The following RHOU variants were observed in gnomAD, a reference collection of about 807,000 sequenced individuals.
The protein encoded by RHOU is ras homolog family member U, also known as rho-related GTP-binding protein RhoU.
A neutral mutation model predicts 12.6 loss-of-function variants in RHOU; 8 were observed. That is an observed-to-expected ratio of 0.64 (90% CI 0.37 to 1.15). The LOEUF (loss-of-function observed/expected upper bound fraction) is 1.15. Among genes scored for constraint, RHOU ranks in the 50% most tolerant of loss-of-function variants. RHOU has a pLI of 0.01. For synonymous variants in RHOU, 161 were observed against 147.4 expected (o/e 1.09, Z -0.67); for missense variants, 258 against 347.0 (o/e 0.74, Z 2.04).
the RHOU span, among the ~76,000 whole-genome samples, chr1:228,658,022 G>A: frequency 6.6e-6 from 1 of 152,132 alleles, no homozygotes; most frequent in Non-Finnish European, 1.5e-5. Flanking sequence ...GGCTCATGCT[G>A]TAATCCCAGC....
chr1:228,713,485 G>T, the RHOU span, among the ~76,000 whole-genome samples: 25 of 152,022 alleles, frequency 1.6e-4, no homozygotes, highest in Middle Eastern at 3.4e-3. Context: ...CAACACACTC[G>T]GCTAATTTTT....
chr1:228,693,853 A>G, the RHOU span, among the ~76,000 whole-genome samples: 4 of 152,248 alleles, frequency 2.6e-5, no homozygotes, highest in African/African-American at 9.6e-5. Flanking sequence ...TAACCAAGGT[A>G]GTATTCTTTT....
the RHOU span, among the ~76,000 whole-genome samples, chr1:228,662,807 TA>T: frequency 6.6e-6 from 1 of 152,042 alleles, no homozygotes; most frequent in Non-Finnish European, 1.5e-5. Flanking sequence ...TTCTGCACAT[TA>T]AAAAAACTAT....
the RHOU span, among the ~76,000 whole-genome samples, chr1:228,668,090 A>G: frequency 6.6e-6 from 1 of 152,192 alleles, no homozygotes; most frequent in Non-Finnish European, 1.5e-5. Flanking sequence ...AATCATACCT[A>G]TGTAATGGAA....
the RHOU span, among the ~76,000 whole-genome samples, chr1:228,670,548 A>C: frequency 6.6e-6 from 1 of 152,248 alleles, no homozygotes; most frequent in East Asian, 1.9e-4. Flanking sequence ...CCTAAAAAGC[A>C]TAAGAAGAGT....
Position 228,745,279 on chromosome 1 carries a change from G to A in RHOU, c.*1539G>A, listed in dbSNP as rs967893155. On this transcript the variant is annotated 3_prime_UTR_variant, in exon 3 of 3. Transcript: ENST00000366691. ...CTTCCGAGACACCACAAGGCAGCCT[G>A]AACACTCAGTTGCAGGGTCGGGCTT... is the stretch of plus-strand genomic sequence containing the variant. 6.6e-6 allele frequency: 1 copy of A among 152,234 alleles called. No individual in the cohort carries two copies. The highest frequency in any genetic ancestry group is 2.4e-5 in the African/African-American group (1 of 41,470). 9.4% of individuals were successfully genotyped at this position (152,234 alleles called of 1,614,324 possible). A position where few individuals can be genotyped will look rare whatever the true frequency, so the allele number is the denominator to read the frequency against.
At chr1:228,658,012 G>C in the RHOU span, among the ~76,000 whole-genome samples, 1 of 152,154 alleles carries the variant, frequency 6.6e-6, no homozygotes, top group African/African-American at 2.4e-5. Context: ...CTGGGGTGGT[G>C]GCTCATGCTG....
At chr1:228,740,407 T>A (rs545062721) in intron 2 of RHOU, among the ~76,000 whole-genome samples, 1 of 152,296 alleles carries the variant, frequency 6.6e-6, no homozygotes, top group African/African-American at 2.4e-5. Flanking sequence ...AGAACCAACT[T>A]CAAAACTTTT....
chr1:228,650,904 G>C, the RHOU span: 37 of 374,278 alleles, frequency 9.9e-5, no homozygotes, highest in African/African-American at 7.7e-4. Context: ...ACATACGAAT[G>C]GATCCTTGTG....
At chr1:228,681,878 T>G in the RHOU span, among the ~76,000 whole-genome samples, 1 of 152,034 alleles carries the variant, frequency 6.6e-6, no homozygotes, top group Non-Finnish European at 1.5e-5. Flanking sequence ...GGAGCAGTCC[T>G]GGGCTGCAAT....
chr1:228,676,975 G>A, the RHOU span, among the ~76,000 whole-genome samples: 1 of 152,136 alleles, frequency 6.6e-6, no homozygotes, highest in Non-Finnish European at 1.5e-5. Context: ...GCTTAGCCTG[G>A]GCTCAGAGGC....
chr1:228,707,185 A>G, the RHOU span, among the ~76,000 whole-genome samples: 1 of 90,106 alleles, frequency 1.1e-5, no homozygotes, highest in Non-Finnish European at 1.9e-5. Context: ...TTAACAAAAT[A>G]TATATATATA....
the RHOU span, among the ~76,000 whole-genome samples, chr1:228,669,792 CA>C: frequency 6.6e-6 from 1 of 152,152 alleles, no homozygotes; most frequent in African/African-American, 2.4e-5. Context: ...TTAGCTACTT[CA>C]TTGTGAAGTG....
chr1:228,699,060 ATC>A, the RHOU span, among the ~76,000 whole-genome samples: 1 of 151,574 alleles, frequency 6.6e-6, no homozygotes, highest in Non-Finnish European at 1.5e-5. Flanking sequence ...GAGTTTGGTT[ATC>A]CTCAGTCGGT....
At chr1:228,701,411 A>C in the RHOU span, among the ~76,000 whole-genome samples, 1 of 152,176 alleles carries the variant, frequency 6.6e-6, no homozygotes, top group Non-Finnish European at 1.5e-5. Flanking sequence ...GACAGAATCT[A>C]TCTCTCCTTT....
At chr1:228,648,990 A>T in the RHOU span, among the ~76,000 whole-genome samples, 2 of 151,938 alleles carry the variant, frequency 1.3e-5, no homozygotes, top group Non-Finnish European at 2.9e-5. Flanking sequence ...CAGCCTCCCG[A>T]GTACCTTGTA....
At chr1:228,662,282 A>G in the RHOU span, among the ~76,000 whole-genome samples, 547 of 152,352 alleles carry the variant, frequency 3.6e-3, 1 homozygote, top group Non-Finnish European at 6.4e-3. Flanking sequence ...CGATTCCTCA[A>G]GGATCTAGAA....
chr1:228,650,382 C>T, the RHOU span: 1 of 459,522 alleles, frequency 2.2e-6, no homozygotes, highest in South Asian at 1.5e-5. Context: ...ACATCAACCT[C>T]TATTCACTGG....
the RHOU span, chr1:228,687,560 G>T: frequency 1.3e-6 from 2 of 1,554,596 alleles, no homozygotes; most frequent in Non-Finnish European, 1.8e-6. Flanking sequence ...ATGACTGGGA[G>T]AGCGGGCTGA....
Sources: gnomAD v4.1 joint callset for allele counts (sites outside exome capture counted in the v4.1 genomes callset) on GRCh38, gnomAD v4.1.1 for gene constraint, MANE v1.5 for transcripts, NCBI Gene and HGNC (gene_info 2026-07-23, HGNC 2026-07-21) for gene names.